The following BCR variants were observed in gnomAD, a reference collection of about 807,000 sequenced individuals.
BCR encodes the protein breakpoint cluster region protein.
In BCR, 58 loss-of-function variants were observed where a neutral mutation model predicts 138.6. The ratio of observed to expected loss-of-function variants is 0.42; its 90% CI spans 0.34 to 0.52. BCR has a LOEUF of 0.52. BCR is among the 20% of genes least tolerant of loss of function. The pLI, the probability that BCR is intolerant of heterozygous loss-of-function variation, is 0.06. For synonymous variants in BCR, 786 were observed against 730.1 expected (o/e 1.08, Z -1.23); for missense variants, 1,599 against 1,727.2 (o/e 0.93, Z 1.32).
intron 4 of BCR, chr22:23,263,732 A>T: frequency 7.0e-7 from 1 of 1,427,468 alleles, no homozygotes. Flanking sequence ...CAGGAGGTGA[A>T]CTGTGTGGAT....
At chr22:23,245,211 A>T (rs756152831) in intron 1 of BCR, among the ~76,000 whole-genome samples, 16 of 152,248 alleles carry the variant, frequency 1.1e-4, no homozygotes, top group Middle Eastern at 3.4e-3. Flanking sequence ...CCTGTTTCTC[A>T]TCTGCGGTGT....
intron 15 of BCR, 109 bp from the exon 16 acceptor site, chr22:23,294,915 C>G: frequency 1.4e-6 from 2 of 1,397,104 alleles, no homozygotes; most frequent in Non-Finnish European, 2.0e-6. Context: ...GGCATTGGTC[C>G]CTCTGGGCCA....
At chr22:23,304,869 C>G (rs2073940575) in intron 16 of BCR, among the ~76,000 whole-genome samples, 1 of 152,194 alleles carries the variant, frequency 6.6e-6, no homozygotes, top group Non-Finnish European at 1.5e-5. Context: ...AATCCCAGCA[C>G]TTTAGGAGGC....
At chr22:23,210,408 C>A (rs1195388744) in intron 1 of BCR, among the ~76,000 whole-genome samples, 2 of 149,774 alleles carry the variant, frequency 1.3e-5, no homozygotes, top group East Asian at 1.9e-4. Context: ...CAGAGTAAGA[C>A]CCTGTCTCAA....
intron 16 of BCR, among the ~76,000 whole-genome samples, chr22:23,303,625 T>C (rs2073926725): frequency 6.6e-6 from 1 of 152,226 alleles, no homozygotes; most frequent in Admixed American, 6.5e-5. Flanking sequence ...GTGATGTTTG[T>C]TTTGAACCAA....
rs1220804617 is a variant in BCR, at chr22:23,181,947, C to T, written c.987C>T (p.Thr329=). The T allele has an allele frequency of 3.1e-6, 5 of 1,613,030 alleles. No individual in the cohort carries two copies. The highest frequency in any genetic ancestry group is 4.2e-6 in the Non-Finnish European group (5 of 1,179,912). The part of the protein sequence containing the change: ...RSFEDCGGGY[T]PDCSSNENLT... Reference sequence around the variant, plus strand: ...TTGAGGATTGCGGAGGCGGCTATACCCCGGACTGCAGCTCCAATGAGAACC... The same window carrying T: ...TTGAGGATTGCGGAGGCGGCTATACTCCGGACTGCAGCTCCAATGAGAACC... The change falls in exon 1 of 23, where the codon ACC becomes ACT. Residue 329 remains threonine, a synonymous_variant. Transcript: ENST00000305877.
At chr22:23,287,078 T>A (rs2073722862) in intron 10 of BCR, 81 bp from the exon 11 acceptor site, 1 of 1,547,480 alleles carries the variant, frequency 6.5e-7, no homozygotes, top group African/African-American at 1.4e-5. Context: ...TGAATGCAGC[T>A]GGTGGTGGGG....
intron 1 of BCR, among the ~76,000 whole-genome samples, chr22:23,220,911 C>T (rs1177077793): frequency 1.3e-5 from 2 of 152,230 alleles, no homozygotes; most frequent in East Asian, 1.9e-4. Context: ...TCAGATTGTC[C>T]CCGGGGACAC....
At chr22:23,244,138 A>G (rs2073128995) in intron 1 of BCR, among the ~76,000 whole-genome samples, 1 of 152,156 alleles carries the variant, frequency 6.6e-6, no homozygotes, top group Non-Finnish European at 1.5e-5. Flanking sequence ...AATGGAATTA[A>G]ATTATAGGAC....
At chr22:23,274,661 G>A (rs907368613) in intron 8 of BCR, among the ~76,000 whole-genome samples, 1 of 152,134 alleles carries the variant, frequency 6.6e-6, no homozygotes, top group Non-Finnish European at 1.5e-5. Context: ...TGTAATCCTA[G>A]CACTTTGGGA....
At chr22:23,184,398 C>G (rs963720440) in intron 1 of BCR, among the ~76,000 whole-genome samples, 2 of 152,086 alleles carry the variant, frequency 1.3e-5, no homozygotes, top group Non-Finnish European at 1.5e-5. Flanking sequence ...GCCTCTTAGA[C>G]GTTTTTAGTA....
At position 23,223,121 on chromosome 22, in the gene BCR, C is replaced by T. The variant is rs932002383; in HGVS notation, c.1280-30678C>T. ...ACCTCATCACCTCCCAGCAGCCCCA[C>T]CTCTTAGTATTATCACATTGGGGGT... On this transcript the variant is annotated intron_variant, in intron 1 of 22. Transcript: ENST00000305877. 5.3e-5 allele frequency among the ~76,000 whole-genome samples: 8 copies of T among 152,290 alleles called. No homozygotes were observed. The South Asian group carries it at 1.0e-3, about 20-fold the overall frequency.
chr22:23,309,470 T>C lies in BCR; in HGVS notation c.3059T>C (p.Ile1020Thr). ...LQDRDWQRTVIAMNGIEVKLS... is the reference protein window; with the variant it reads ...LQDRDWQRTVTAMNGIEVKLS... ...GACAGAGACTGGCAGCGCACCGTCA[T>C]CGCCATGAATGGGGTACGTGTCCGT... The change falls in exon 17 of 23, where the codon ATC (isoleucine) becomes ACC (threonine). Residue 1020 changes from isoleucine (I) to threonine (T), a missense_variant. Around this residue, in one of 4 missense-constraint regions of BCR, gnomAD observed 590 missense variants for 762.4 expected, o/e 0.77. Coordinates refer to ENST00000305877, the MANE Select transcript of BCR (RefSeq NM_004327.4). The C allele has an allele frequency of 6.2e-7, 1 of 1,602,482 alleles. No individual in the cohort carries two copies. The highest frequency in any genetic ancestry group is 8.5e-7 in the Non-Finnish European group (1 of 1,174,096).
chr22:23,311,587 T>G, intron 18 of BCR, 110 bp from the exon 19 acceptor site: 1 of 840,560 alleles, frequency 1.2e-6, no homozygotes. Flanking sequence ...CCTGGGTACC[T>G]TCGTCACCGT....
chr22:23,232,453 G>T (rs1472163013), intron 1 of BCR, among the ~76,000 whole-genome samples: 1 of 152,208 alleles, frequency 6.6e-6, no homozygotes, highest in Non-Finnish European at 1.5e-5. Flanking sequence ...CACAAGGGTA[G>T]GGGGACCTCA....
At chr22:23,248,956 T>C (rs2073189258) in intron 1 of BCR, among the ~76,000 whole-genome samples, 1 of 152,124 alleles carries the variant, frequency 6.6e-6, no homozygotes, top group African/African-American at 2.4e-5. Flanking sequence ...AGATGGTGGC[T>C]TTCAAAATGC....
chr22:23,298,105 G>T (rs1465229151), intron 16 of BCR, among the ~76,000 whole-genome samples: 1 of 152,178 alleles, frequency 6.6e-6, no homozygotes, highest in Non-Finnish European at 1.5e-5. Flanking sequence ...CTAGAAATGG[G>T]CTCAATGCTG....
At chr22:23,273,511 CTG>C (rs764776908) in intron 7 of BCR, 121 bp from the exon 8 acceptor site, 38 of 1,311,996 alleles carry the variant, frequency 2.9e-5, no homozygotes, top group Non-Finnish European at 3.6e-5. Context: ...GTGAGAGAGA[CTG>C]TGGTGACACT....
intron 1 of BCR, among the ~76,000 whole-genome samples, chr22:23,200,318 T>A (rs2072537869): frequency 6.6e-6 from 1 of 151,982 alleles, no homozygotes; most frequent in Non-Finnish European, 1.5e-5. Context: ...AAAGCGGGCT[T>A]TTTATTTATT....
Sources: gnomAD v4.1 joint callset for allele counts (sites outside exome capture counted in the v4.1 genomes callset) on GRCh38, gnomAD v4.1.1 for gene constraint, gnomAD v4.1.1 regional missense constraint, MANE v1.5 for transcripts, NCBI Gene and HGNC (gene_info 2026-07-23, HGNC 2026-07-21) for gene names.